Variants in CABIN1 observed in about 807,000 individuals in gnomAD.
The protein encoded by CABIN1 is calcineurin binding protein 1, also known as calcineurin-binding protein cabin-1.
CABIN1 carries 133 observed loss-of-function variants against 227.7 expected under a neutral mutation model. The observed-to-expected ratio is 0.58, with a 90% confidence interval of 0.51 to 0.67. CABIN1 has a LOEUF of 0.67. Ranked by LOEUF, CABIN1 falls within the 30% of genes least tolerant of loss-of-function variation. The pLI is 0.00. For synonymous variants in CABIN1, 1,086 were observed against 1,155.1 expected, an observed-to-expected ratio of 0.94 and a Z score of 1.21; for missense variants, 2,408 against 2,852.5, an observed-to-expected ratio of 0.84 and a Z score of 3.55.
chr22:24,108,250 G>A (rs184312739), intron 26 of CABIN1, among the ~76,000 whole-genome samples: 1 of 152,180 alleles, frequency 6.6e-6, no homozygotes, highest in Admixed American at 6.5e-5. Context: ...GTGGGTCTGG[G>A]AGCCCAACCC....
intron 34 of CABIN1, among the ~76,000 whole-genome samples, chr22:24,174,051 G>A (rs2046977078): frequency 6.6e-6 from 1 of 150,684 alleles, no homozygotes; most frequent in Non-Finnish European, 1.5e-5. Flanking sequence ...CCCCATGTTG[G>A]CCAAGCTGGT....
At chr22:24,144,569 T>C (rs1294724026) in intron 29 of CABIN1, among the ~76,000 whole-genome samples, 2 of 152,252 alleles carry the variant, frequency 1.3e-5, no homozygotes, top group Non-Finnish European at 2.9e-5. Context: ...AGGCCTGTGG[T>C]AGATGGGAAG....
chr22:24,113,308 A>G (rs1045972072), intron 26 of CABIN1, among the ~76,000 whole-genome samples: 9 of 152,222 alleles, frequency 5.9e-5, no homozygotes, highest in African/African-American at 1.4e-4. Flanking sequence ...CCTGAGAGCC[A>G]GTTGTTAAAC....
intron 28 of CABIN1, among the ~76,000 whole-genome samples, chr22:24,130,991 G>T (rs971632691): frequency 6.6e-6 from 1 of 152,166 alleles, no homozygotes; most frequent in Non-Finnish European, 1.5e-5. Context: ...AACTGGCTTG[G>T]TGCAGGTGGA....
At chr22:24,147,232 CCTCCCTCCCTCT>C (rs1207847371) in intron 29 of CABIN1, among the ~76,000 whole-genome samples, 3 of 149,716 alleles carry the variant, frequency 2.0e-5, no homozygotes, top group Non-Finnish European at 4.5e-5. Flanking sequence ...GCAGCACCTC[CCTCCCTCCCTCT>C]CTCCCTGCCT....
chr22:24,087,331 T>C (rs1271531181), intron 22 of CABIN1, 121 bp from the exon 23 acceptor site: 2 of 1,307,400 alleles, frequency 1.5e-6, no homozygotes, highest in African/African-American at 2.9e-5. Context: ...AGTTGGGCTC[T>C]GAGCCCTGGT....
At chr22:24,135,261 G>C (rs917968485) in intron 29 of CABIN1, among the ~76,000 whole-genome samples, 46 of 151,300 alleles carry the variant, frequency 3.0e-4, no homozygotes, top group African/African-American at 9.5e-4. Context: ...ATGGTGGCAG[G>C]CACCTGTAAT....
chr22:24,103,647 G>C (rs1335674050), intron 26 of CABIN1, among the ~76,000 whole-genome samples: 1 of 152,192 alleles, frequency 6.6e-6, no homozygotes, highest in Non-Finnish European at 1.5e-5. Context: ...TGTTCTGCTT[G>C]TTCCTGACGG....
At chr22:24,022,115 A>G (rs1444844056) in intron 1 of CABIN1, among the ~76,000 whole-genome samples, 2 of 152,086 alleles carry the variant, frequency 1.3e-5, no homozygotes, top group Non-Finnish European at 2.9e-5. Flanking sequence ...TCCTTTTATT[A>G]GAATTTTTTT....
chr22:24,111,879 C>T (rs370151436), intron 26 of CABIN1, among the ~76,000 whole-genome samples: 63 of 152,312 alleles, frequency 4.1e-4, no homozygotes, highest in African/African-American at 1.4e-3. Context: ...GCTGCAATGT[C>T]TGGGAAAGGC....
chr22:24,055,078 C>G lies in CABIN1; in HGVS notation c.1012C>G (p.Pro338Ala). The change falls in exon 9 of 37, where the codon CCT (proline) becomes GCT (alanine). Residue 338 changes from proline (P) to alanine (A), a missense_variant. Physicochemically the swap from Pro to Ala is conservative, Grantham distance 27. Around this residue, in one of 3 missense-constraint regions of CABIN1, gnomAD observed 1,045 missense variants for 1,168.4 expected, o/e 0.89. Transcript: ENST00000263119. ...STNPAVAVAE[P>A]VVSYTSVATT... ...CAACCCAGCTGTGGCTGTCGCCGAG[C>G]CTGTGGTCTCCTACACCTCTGTGGC... 1 of 1,614,250 alleles carries G rather than the reference C, an allele frequency of 6.2e-7. No individual in the cohort carries two copies. Among genetic ancestry groups the G allele is most frequent in the Non-Finnish European group, 8.5e-7 (1 of 1,180,040 alleles).
In CABIN1 at chr22:24,043,011, G is replaced by A. The variant is rs1569113274; in HGVS notation, c.453G>A (p.Leu151=). The change falls in exon 6 of 37, where the codon CTG becomes CTA. Residue 151 remains leucine, a synonymous_variant. Coordinates refer to ENST00000263119, the MANE Select transcript of CABIN1 (RefSeq NM_012295.4). ...CTCGCCATGCTTTTGAGGAAGGGCT[G>A]CGGTGCAATCCTGACCACTGGCCCT... ...PLARHAFEEG[L]RCNPDHWPCL... The A allele has an allele frequency of 1.9e-6, 3 of 1,613,964 alleles. No individual in the cohort carries two copies. The highest frequency in any genetic ancestry group is 1.3e-5 in the African/African-American group (1 of 74,886).
intron 19 of CABIN1, among the ~76,000 whole-genome samples, chr22:24,077,252 A>AT (rs1337084062): frequency 2.6e-5 from 4 of 152,090 alleles, no homozygotes; most frequent in African/African-American, 9.7e-5. Flanking sequence ...CATTGAGTGT[A>AT]TTGTGTGTCT....
At position 24,140,017 on chromosome 22, in the gene CABIN1, G is replaced by A. The variant is rs2044656722; in HGVS notation, c.4746+5602G>A. The stretch of plus-strand genomic sequence containing the variant: ...AACGTGCTACAGGGCATGTAGGAGG[G>A]ACAGGGAGCTGGGCTCTCCCATGCA... On this transcript the variant is annotated intron_variant, in intron 29 of 36. Coordinates refer to ENST00000263119, the MANE Select transcript of CABIN1 (RefSeq NM_012295.4). 2.0e-5 allele frequency among the ~76,000 whole-genome samples: 3 copies of A among 152,252 alleles called. No individual in the cohort carries two copies. In the South Asian group the frequency reaches 6.2e-4, roughly 31 times the overall value.
In CABIN1 at chr22:24,177,863, A is replaced by T; in HGVS notation, c.6519+46A>T. 1 of 1,311,732 alleles carries T rather than the reference A, an allele frequency of 7.6e-7. No homozygotes were observed. The highest frequency in any genetic ancestry group is 1.0e-6 in the Non-Finnish European group (1 of 956,666). The allele number at this position is 1,311,732 out of a possible 1,614,324, so 81.3% of individuals were successfully genotyped here. On this transcript the variant is annotated intron_variant, in intron 36 of 36. Transcript: ENST00000263119. The surrounding 1 kb of genome is among the most constrained non-coding windows in gnomAD (Gnocchi z 4.4). ...GGAGCCATGTGTGGGTGGGAGGCAT[A>T]GGTTACAAAGGGGGCCTAGGATGGG...
chr22:24,080,151 A>G (rs2040713157), intron 19 of CABIN1, among the ~76,000 whole-genome samples: 1 of 152,206 alleles, frequency 6.6e-6, no homozygotes, highest in African/African-American at 2.4e-5. Context: ...TACATTCCAC[A>G]TGCATGGCCA....
chr22:24,121,367 G>A (rs1367138066), intron 28 of CABIN1, among the ~76,000 whole-genome samples: 1 of 152,194 alleles, frequency 6.6e-6, no homozygotes, highest in African/African-American at 2.4e-5. Flanking sequence ...TTTCCTCAGG[G>A]CACAGCAGGT....
chr22:24,116,173 C>T lies in CABIN1; in HGVS notation c.4300+2425C>T, dbSNP rs964145594. ...TGCAGCTAGCGGAAGCTCACCTTTG[C>T]AGGGGGCAGAGCTTCAAAAAAAAAA... On this transcript the variant is annotated intron_variant, in intron 27 of 36. Coordinates refer to ENST00000263119, the MANE Select transcript of CABIN1 (RefSeq NM_012295.4). Among the ~76,000 whole-genome samples the T allele has an allele frequency of 9.2e-5, 14 of 152,026 alleles. No individual in the cohort carries two copies. The South Asian group carries it at 1.0e-3, about 11-fold the overall frequency.
chr22:24,175,098 G>C lies in CABIN1; in HGVS notation c.6041-1013G>C, dbSNP rs192801785. Among the ~76,000 whole-genome samples the C allele has an allele frequency of 1.8e-4, 27 of 152,320 alleles. No homozygotes were observed. The East Asian group carries it at 4.8e-3, about 27-fold the overall frequency. On this transcript the variant is annotated intron_variant, in intron 34 of 36. Coordinates refer to ENST00000263119, the MANE Select transcript of CABIN1 (RefSeq NM_012295.4). The stretch of plus-strand genomic sequence containing the variant: ...CATACCTTCTTCAGCCTGGAGAGTT[G>C]ATCCTTTTCTATTCCCATTCCCAAA...
Sources: allele counts gnomAD v4.1 joint callset (sites outside exome capture counted in the v4.1 genomes callset), GRCh38; gene constraint gnomAD v4.1.1; regional missense constraint gnomAD v4.1.1; non-coding constraint Gnocchi (gnomAD v3.1); transcripts MANE v1.5; gene names NCBI Gene and HGNC (gene_info 2026-07-23, HGNC 2026-07-21).